RABGAP1L: variants seen among roughly 807,000 people sequenced by gnomAD.
RABGAP1L encodes the protein rab GTPase-activating protein 1-like.
RABGAP1L carries 63 observed loss-of-function variants against 137.7 expected under a neutral mutation model. The ratio of observed to expected loss-of-function variants is 0.46; its 90% CI spans 0.37 to 0.56. The LOEUF (loss-of-function observed/expected upper bound fraction) is 0.56, where lower values mean the gene tolerates loss of function less well. Among genes scored for constraint, RABGAP1L ranks in the 20% least tolerant of loss-of-function variants. The pLI, the probability that RABGAP1L is intolerant of heterozygous loss-of-function variation, is 0.00. For missense variants in RABGAP1L, 1,095 were observed against 1,244.0 expected (o/e 0.88, Z 1.80); for synonymous variants, 431 against 433.7 (o/e 0.99, Z 0.08).
At chr1:174,582,476 G>A (rs781780331) in intron 13 of RABGAP1L, among the ~76,000 whole-genome samples, 41 of 151,980 alleles carry the variant, frequency 2.7e-4, no homozygotes, top group Non-Finnish European at 5.0e-4. Flanking sequence ...GCAGTGGTGC[G>A]TGCCTGTAGT....
intron 13 of RABGAP1L, among the ~76,000 whole-genome samples, chr1:174,541,111 G>C (rs920079487): frequency 2.6e-5 from 4 of 152,120 alleles, no homozygotes; most frequent in Non-Finnish European, 4.4e-5. Context: ...TGATGTAGAG[G>C]AATGCTTGTG....
At position 174,714,171 on chromosome 1, in the gene RABGAP1L, T is replaced by TA. The variant is rs144907615; in HGVS notation, c.2169+11926dup. The stretch of plus-strand genomic sequence containing the variant: ...TTTTAGGACAGCAGGGATGTTAATT[T>TA]AAAAAAAAAAAGAAAAACATTTTTT... On this transcript the variant is annotated intron_variant, in intron 17 of 25. Transcript: ENST00000681986. Among the ~76,000 whole-genome samples, 86 of 147,152 alleles carry TA rather than the reference T, an allele frequency of 5.8e-4. No homozygotes were observed. The South Asian group carries it at 8.2e-3, about 14-fold the overall frequency.
At chr1:174,817,685 G>A (rs550761872) in intron 19 of RABGAP1L, among the ~76,000 whole-genome samples, 81 of 152,312 alleles carry the variant, frequency 5.3e-4, no homozygotes, top group South Asian at 2.5e-3. Context: ...TCAGGTTATT[G>A]TTAGGAAGGT....
chr1:174,717,026 C>T (rs1681076725), intron 17 of RABGAP1L, among the ~76,000 whole-genome samples: 1 of 152,136 alleles, frequency 6.6e-6, no homozygotes, highest in Non-Finnish European at 1.5e-5. Context: ...CATAAGAATC[C>T]TTAATACAGA....
intron 21 of RABGAP1L, among the ~76,000 whole-genome samples, chr1:174,972,169 G>C (rs920923851): frequency 6.6e-6 from 1 of 152,174 alleles, no homozygotes; most frequent in East Asian, 1.9e-4. Context: ...TTCCCTATTT[G>C]CAAGGAACAA....
chr1:174,533,994 T>G (rs1161709284), intron 13 of RABGAP1L, among the ~76,000 whole-genome samples: 1 of 152,150 alleles, frequency 6.6e-6, no homozygotes, highest in Non-Finnish European at 1.5e-5. Flanking sequence ...GTTAATCAAC[T>G]GTTTATGTTA....
At chr1:174,279,371 T>C (rs1675291245) in intron 10 of RABGAP1L, among the ~76,000 whole-genome samples, 1 of 152,182 alleles carries the variant, frequency 6.6e-6, no homozygotes, top group Non-Finnish European at 1.5e-5. Context: ...ATAACTTGAA[T>C]GCTAATTGTG....
At chr1:174,511,350 T>C (rs1662313964) in intron 13 of RABGAP1L, among the ~76,000 whole-genome samples, 1 of 152,192 alleles carries the variant, frequency 6.6e-6, no homozygotes, top group African/African-American at 2.4e-5. Flanking sequence ...TTTTCTTTGG[T>C]TATAAAAGAT....
chr1:174,737,138 G>A (rs994518823), intron 17 of RABGAP1L, among the ~76,000 whole-genome samples: 2 of 152,148 alleles, frequency 1.3e-5, no homozygotes, highest in African/African-American at 4.8e-5. Flanking sequence ...TCTGCCACAT[G>A]ATTAGACTGC....
intron 13 of RABGAP1L, among the ~76,000 whole-genome samples, chr1:174,568,852 A>C (rs1667759364): frequency 6.6e-6 from 1 of 152,224 alleles, no homozygotes; most frequent in Non-Finnish European, 1.5e-5. Flanking sequence ...AGATAAACAA[A>C]AGGGAACAAA....
chr1:174,506,244 T>C (rs1172987103), intron 13 of RABGAP1L, among the ~76,000 whole-genome samples: 1 of 152,214 alleles, frequency 6.6e-6, no homozygotes. Context: ...TTAATGATAA[T>C]ATATTGTATA....
chr1:174,967,458 C>T (rs1332507713), intron 20 of RABGAP1L, among the ~76,000 whole-genome samples: 2 of 151,862 alleles, frequency 1.3e-5, no homozygotes, highest in Non-Finnish European at 2.9e-5. Flanking sequence ...CTGCCTCAGC[C>T]TCCCGAGTAG....
intron 19 of RABGAP1L, among the ~76,000 whole-genome samples, chr1:174,895,595 C>T (rs1198799813): frequency 6.6e-6 from 1 of 151,972 alleles, no homozygotes; most frequent in Non-Finnish European, 1.5e-5. Context: ...CTCCCCACTC[C>T]CCCCACCCCA....
intron 10 of RABGAP1L, among the ~76,000 whole-genome samples, chr1:174,300,945 T>G (rs1677644801): frequency 6.6e-6 from 1 of 152,186 alleles, no homozygotes; most frequent in Non-Finnish European, 1.5e-5. Flanking sequence ...ACAGGATTTT[T>G]CTTGGTCACT....
chr1:174,223,674 CTT>C (rs1392137973), intron 3 of RABGAP1L, among the ~76,000 whole-genome samples: 3 of 152,112 alleles, frequency 2.0e-5, no homozygotes, highest in Non-Finnish European at 4.4e-5. Flanking sequence ...AAAGATGTAA[CTT>C]ATCTCCAAAT....
intron 19 of RABGAP1L, among the ~76,000 whole-genome samples, chr1:174,904,173 A>G (rs1376078640): frequency 2.0e-5 from 3 of 152,064 alleles, no homozygotes; most frequent in African/African-American, 4.8e-5. Flanking sequence ...AATAAGCTTG[A>G]GGAAAATCTT....
intron 19 of RABGAP1L, among the ~76,000 whole-genome samples, chr1:174,919,554 A>G (rs1661465610): frequency 1.3e-5 from 2 of 152,276 alleles, no homozygotes; most frequent in South Asian, 4.2e-4. Flanking sequence ...GTAATAAAAA[A>G]ATTAAGAATT....
At chr1:174,790,440 A>G (rs1047018712) in intron 18 of RABGAP1L, among the ~76,000 whole-genome samples, 1 of 152,038 alleles carries the variant, frequency 6.6e-6, no homozygotes, top group Non-Finnish European at 1.5e-5. Flanking sequence ...CCTGACCAAC[A>G]TGGTGAAACC....
chr1:174,709,475 A>G (rs186696735), intron 17 of RABGAP1L, among the ~76,000 whole-genome samples: 97 of 152,308 alleles, frequency 6.4e-4, no homozygotes, highest in Non-Finnish European at 8.5e-4. Context: ...TTCCAGAGGA[A>G]GGAACAGACA....
Sources: allele counts gnomAD v4.1 joint callset (sites outside exome capture counted in the v4.1 genomes callset), GRCh38; gene constraint gnomAD v4.1.1; transcripts MANE v1.5; gene names NCBI Gene and HGNC (gene_info 2026-07-23, HGNC 2026-07-21).